KIAA1328: variants seen among roughly 807,000 people sequenced by gnomAD.
KIAA1328 encodes KIAA1328.
A neutral mutation model predicts 68.1 loss-of-function variants in KIAA1328; 52 were observed. That is an observed-to-expected ratio of 0.76 (90% CI 0.61 to 0.96). The LOEUF is 0.96. KIAA1328 is among the 40% of genes least tolerant of loss of function. The pLI, the probability that KIAA1328 is intolerant of heterozygous loss-of-function variation, is 0.00. For missense variants in KIAA1328, 641 were observed against 677.6 expected, an observed-to-expected ratio of 0.95 and a Z score of 0.60; for synonymous variants, 232 against 239.4, an observed-to-expected ratio of 0.97 and a Z score of 0.28.
At chr18:37,185,313 T>C (rs1350097103) in intron 9 of KIAA1328, among the ~76,000 whole-genome samples, 1 of 152,142 alleles carries the variant, frequency 6.6e-6, no homozygotes, top group African/African-American at 2.4e-5. Context: ...GAGATTATGC[T>C]CTGTGAACAT....
intron 5 of KIAA1328, among the ~76,000 whole-genome samples, chr18:36,956,543 T>TG (rs112740428): frequency 0.13 from 17,433 of 136,844 alleles, 1,111 homozygotes; most frequent in East Asian, 0.22. Context: ...AGGAAGGAAG[T>TG]GGGGGGGGGG....
intron 6 of KIAA1328, among the ~76,000 whole-genome samples, chr18:36,970,686 A>T (rs2052162316): frequency 6.6e-6 from 1 of 152,196 alleles, no homozygotes; most frequent in South Asian, 2.1e-4. Context: ...ATCATGAGTG[A>T]ACTCCCATTC....
rs2060601395 is a variant in KIAA1328, at chr18:37,223,602, G to C, written c.*1375G>C. ...TTTTTACCAACCCCAACTAAACTGG[G>C]AGTAAGACTTAGTCAGTGTTGGTAG... On this transcript the variant is annotated 3_prime_UTR_variant, in exon 10 of 10. Coordinates refer to ENST00000280020, the MANE Select transcript of KIAA1328 (RefSeq NM_020776.3). 1 of 985,244 alleles carries C rather than the reference G, an allele frequency of 1.0e-6. No individual in the cohort carries two copies. Among genetic ancestry groups the C allele is most frequent in the African/African-American group, 1.7e-5 (1 of 57,216 alleles). 61.0% of individuals were successfully genotyped at this position (985,244 alleles called of 1,614,324 possible).
chr18:36,929,977 A>C (rs544875847), intron 5 of KIAA1328, among the ~76,000 whole-genome samples: 17 of 152,240 alleles, frequency 1.1e-4, no homozygotes, highest in Non-Finnish European at 2.4e-4. Context: ...CTACGAGAGA[A>C]GGATCTAAGA....
intron 6 of KIAA1328, among the ~76,000 whole-genome samples, chr18:37,023,216 T>G (rs2054415746): frequency 6.6e-6 from 1 of 152,054 alleles, no homozygotes; most frequent in Non-Finnish European, 1.5e-5. Context: ...TTTTATTTTA[T>G]TTTTATTTAT....
chr18:36,878,352 C>G (rs1200812903), intron 4 of KIAA1328, among the ~76,000 whole-genome samples: 4 of 152,156 alleles, frequency 2.6e-5, no homozygotes, highest in Non-Finnish European at 5.9e-5. Context: ...TTGGCCTCCT[C>G]TGGCTTGTAG....
rs149434473 is a variant in KIAA1328 at position 36,906,414 on chromosome 18, G to A, written c.448+20742G>A. ...GGAATCTGTATAGTTTTTGCCTTTT[G>A]CAGAATGCTATATAAGTGGAATCAT... On this transcript the variant is annotated intron_variant, in intron 5 of 9. Coordinates refer to ENST00000280020, the MANE Select transcript of KIAA1328 (RefSeq NM_020776.3). 1.4e-4 allele frequency among the ~76,000 whole-genome samples: 22 copies of A among 152,188 alleles called. No homozygotes were observed. In the East Asian group the frequency reaches 3.7e-3, roughly 25 times the overall value.
intron 8 of KIAA1328, among the ~76,000 whole-genome samples, chr18:37,161,596 A>T (rs2059280699): frequency 6.6e-6 from 1 of 152,244 alleles, no homozygotes; most frequent in South Asian, 2.1e-4. Context: ...TTTATGAGGT[A>T]GAATCTTTAC....
chr18:37,175,146 TAGAGGTAA>T (rs1454164135), intron 9 of KIAA1328, among the ~76,000 whole-genome samples: 2 of 152,198 alleles, frequency 1.3e-5, no homozygotes, highest in Non-Finnish European at 2.9e-5. Context: ...TTGGAGGAAT[TAGAGGTAA>T]AGAAGGAAGA....
intron 6 of KIAA1328, among the ~76,000 whole-genome samples, chr18:37,022,647 C>G (rs1241315790): frequency 6.6e-6 from 1 of 152,186 alleles, no homozygotes; most frequent in Non-Finnish European, 1.5e-5. Flanking sequence ...CCTTTTGCTT[C>G]ATACATTGTA....
At chr18:36,914,257 A>C (rs1257973497) in intron 5 of KIAA1328, among the ~76,000 whole-genome samples, 2 of 152,320 alleles carry the variant, frequency 1.3e-5, no homozygotes, top group South Asian at 2.1e-4. Context: ...GCATATAAAC[A>C]TGTGTTCCAT....
intron 6 of KIAA1328, among the ~76,000 whole-genome samples, chr18:37,041,148 A>G (rs1174778698): frequency 1.3e-5 from 2 of 151,980 alleles, no homozygotes; most frequent in Non-Finnish European, 2.9e-5. Context: ...AAAATGGTAT[A>G]TTGAAGACTG....
intron 7 of KIAA1328, among the ~76,000 whole-genome samples, chr18:37,094,632 C>T (rs1181703149): frequency 6.6e-6 from 1 of 151,852 alleles, no homozygotes; most frequent in Non-Finnish European, 1.5e-5. Context: ...AAAAAGGCAC[C>T]AAGTTGTAAT....
intron 6 of KIAA1328, among the ~76,000 whole-genome samples, chr18:37,046,286 C>G (rs1238426836): frequency 1.3e-5 from 2 of 152,138 alleles, no homozygotes; most frequent in African/African-American, 4.8e-5. Flanking sequence ...CTAACTCAGT[C>G]AGGGACTGAA....
intron 5 of KIAA1328, among the ~76,000 whole-genome samples, chr18:36,889,505 T>A (rs1015705146): frequency 6.6e-6 from 1 of 152,214 alleles, no homozygotes; most frequent in Non-Finnish European, 1.5e-5. Context: ...CTGTTTTGAC[T>A]GGCATAGCAA....
At chr18:37,059,144 T>C (rs1171085984) in intron 6 of KIAA1328, among the ~76,000 whole-genome samples, 2 of 152,130 alleles carry the variant, frequency 1.3e-5, no homozygotes, top group Non-Finnish European at 2.9e-5. Context: ...AACCTCATTT[T>C]CCCATCTGTA....
intron 5 of KIAA1328, among the ~76,000 whole-genome samples, chr18:36,908,955 A>G (rs2049323271): frequency 6.6e-6 from 1 of 152,150 alleles, no homozygotes; most frequent in Non-Finnish European, 1.5e-5. Context: ...TCCTAGGCTT[A>G]CTTAGTAGTG....
chr18:37,103,344 T>A (rs11081986), intron 7 of KIAA1328, among the ~76,000 whole-genome samples: 20,800 of 152,074 alleles, frequency 0.14, 1,758 homozygotes, highest in Admixed American at 0.18. Context: ...AACCCAGAAA[T>A]AAATCTACGT....
At position 37,049,174 on chromosome 18, in the gene KIAA1328, G is replaced by A. The variant is rs149926399; in HGVS notation, c.577-17716G>A. Among the ~76,000 whole-genome samples the A allele has an allele frequency of 6.8e-4, 103 of 152,262 alleles. 1 individual carries two copies. Among genetic ancestry groups the A allele is most frequent in the African/African-American group, 2.1e-3 (89 of 41,560 alleles). ...TAAATAAATACTTAAACATCACAAG[G>A]AAAGTTAGAGATGTGAAAACAGCTA... On this transcript the variant is annotated intron_variant, in intron 6 of 9. Coordinates refer to ENST00000280020, the MANE Select transcript of KIAA1328 (RefSeq NM_020776.3).
Sources: gnomAD v4.1 joint callset for allele counts (sites outside exome capture counted in the v4.1 genomes callset) on GRCh38, gnomAD v4.1.1 for gene constraint, MANE v1.5 for transcripts, NCBI Gene and HGNC (gene_info 2026-07-23, HGNC 2026-07-21) for gene names.